The following ARHGAP42 variants were observed in gnomAD, a reference collection of about 807,000 sequenced individuals.
ARHGAP42 encodes the protein Rho GTPase activating protein 42, also known as rho GTPase-activating protein 42.
A neutral mutation model predicts 125.0 loss-of-function variants in ARHGAP42; 63 were observed. The observed-to-expected ratio is 0.50, with a 90% CI of 0.41 to 0.62. ARHGAP42 has a LOEUF of 0.62. Among genes scored for constraint, ARHGAP42 ranks in the 20% least tolerant of loss-of-function variants. The probability of loss-of-function intolerance (pLI) is 0.00; values close to 1 mark genes in which losing one functional copy is unlikely to be tolerated. For synonymous variants in ARHGAP42, 339 were observed against 351.0 expected (o/e 0.97, Z 0.38); for missense variants, 766 against 1,024.2 (o/e 0.75, Z 3.44).
chr11:100,749,981 G>T (rs1862407239), intron 1 of ARHGAP42, among the ~76,000 whole-genome samples: 1 of 152,148 alleles, frequency 6.6e-6, no homozygotes, highest in South Asian at 2.1e-4. Flanking sequence ...GAGAGCTCAG[G>T]TTATTCCTCA....
At chr11:100,949,036 CTACT>C (rs1158098002) in intron 11 of ARHGAP42, among the ~76,000 whole-genome samples, 4 of 152,058 alleles carry the variant, frequency 2.6e-5, no homozygotes, top group African/African-American at 2.4e-5. Flanking sequence ...GTATGATAGT[CTACT>C]TACAAAAAAT....
At position 100,904,467 on chromosome 11, in the gene ARHGAP42, G is replaced by A. The variant is rs1310101536; in HGVS notation, c.385-8985G>A. Among the ~76,000 whole-genome samples the A allele has an allele frequency of 3.3e-5, 5 of 151,940 alleles. 1 individual carries two copies. Among genetic ancestry groups the A allele is most frequent in the East Asian group, 3.9e-4 (2 of 5,158 alleles). ...TTGCCATGTTGACCAGGCTGGTCTC[G>A]AACTCCTGACCTCAGATGATCCACC... is the stretch of plus-strand genomic sequence containing the variant. On this transcript the variant is annotated intron_variant, in intron 4 of 23. Transcript: ENST00000298815.
intron 8 of ARHGAP42, among the ~76,000 whole-genome samples, chr11:100,940,678 A>T (rs1867858316): frequency 6.6e-6 from 1 of 152,198 alleles, no homozygotes; most frequent in Non-Finnish European, 1.5e-5. Context: ...GAGTAATTTG[A>T]ACTTGTTTTT....
intron 1 of ARHGAP42, among the ~76,000 whole-genome samples, chr11:100,711,851 C>T (rs1764613427): frequency 6.6e-6 from 1 of 151,884 alleles, no homozygotes; most frequent in African/African-American, 2.4e-5. Flanking sequence ...TACCAGGAGT[C>T]AAAGAAATGC....
At chr11:100,775,939 C>CA (rs1483618750) in intron 2 of ARHGAP42, among the ~76,000 whole-genome samples, 8 of 152,140 alleles carry the variant, frequency 5.3e-5, no homozygotes, top group African/African-American at 1.9e-4. Flanking sequence ...GCGGGCGGAT[C>CA]ACCTGAGGTT....
chr11:100,769,779 A>G (rs1316821521), intron 1 of ARHGAP42, among the ~76,000 whole-genome samples: 1 of 128,768 alleles, frequency 7.8e-6, no homozygotes, highest in Middle Eastern at 4.6e-3. Flanking sequence ...CAATGAGAAC[A>G]TATGGCCACA....
chr11:100,699,802 C>T (rs973835643), intron 1 of ARHGAP42, among the ~76,000 whole-genome samples: 7 of 152,002 alleles, frequency 4.6e-5, no homozygotes, highest in African/African-American at 1.7e-4. Flanking sequence ...GGATTACAGG[C>T]ATGAGCCACC....
chr11:100,960,864 C>A, intron 13 of ARHGAP42, 51 bp from the exon 14 acceptor site: 1 of 1,253,846 alleles, frequency 8.0e-7, no homozygotes, highest in Non-Finnish European at 1.1e-6. Flanking sequence ...ACATTCTGTA[C>A]TTGCCAAGCT....
intron 4 of ARHGAP42, among the ~76,000 whole-genome samples, chr11:100,893,990 C>T (rs1866283547): frequency 6.6e-6 from 1 of 152,176 alleles, no homozygotes; most frequent in African/African-American, 2.4e-5. Flanking sequence ...ATCAATCTCA[C>T]ATTTTACCCA....
intron 2 of ARHGAP42, among the ~76,000 whole-genome samples, chr11:100,786,680 T>C (rs1565213745): frequency 6.6e-6 from 1 of 152,186 alleles, no homozygotes; most frequent in Non-Finnish European, 1.5e-5. Context: ...TTTAGAATTA[T>C]TTCCGTAATC....
At chr11:100,697,164 C>A (rs1418908668) in intron 1 of ARHGAP42, among the ~76,000 whole-genome samples, 2 of 150,514 alleles carry the variant, frequency 1.3e-5, no homozygotes, top group African/African-American at 4.9e-5. Context: ...GGTGGAATTT[C>A]TTTTTTTGTT....
chr11:100,762,154 T>G (rs1442344092), intron 1 of ARHGAP42, among the ~76,000 whole-genome samples: 1 of 152,234 alleles, frequency 6.6e-6, no homozygotes, highest in Non-Finnish European at 1.5e-5. Context: ...GAAGGGTGGA[T>G]GTATCCACTG....
intron 19 of ARHGAP42, among the ~76,000 whole-genome samples, chr11:100,975,784 G>A (rs1429199685): frequency 6.6e-6 from 1 of 152,168 alleles, no homozygotes; most frequent in East Asian, 1.9e-4. Context: ...GCTTCAAGAA[G>A]TAAAGTTATT....
At chr11:100,722,513 C>G (rs1591128042) in intron 1 of ARHGAP42, among the ~76,000 whole-genome samples, 1 of 151,966 alleles carries the variant, frequency 6.6e-6, no homozygotes, top group East Asian at 1.9e-4. Flanking sequence ...GCCTCAGCCT[C>G]CCGAGTAGCT....
chr11:100,936,506 G>A lies in ARHGAP42; in HGVS notation c.832+174G>A, dbSNP rs111702886. ...ACGTTTTTCCGCATTTTGCCATCAGGATATCTAAGTTGGCATATTGTTGAA... is the reference window on the plus strand; with the variant it reads ...ACGTTTTTCCGCATTTTGCCATCAGAATATCTAAGTTGGCATATTGTTGAA... On this transcript the variant is annotated intron_variant, in intron 8 of 23. Transcript: ENST00000298815. 9.9e-3 allele frequency among the ~76,000 whole-genome samples: 1,503 copies of A among 152,218 alleles called. 26 individuals carry two copies. Among genetic ancestry groups the A allele is most frequent in the African/African-American group, 0.035 (1,444 of 41,532 alleles).
chr11:100,888,186 T>G (rs1866138877), intron 4 of ARHGAP42, among the ~76,000 whole-genome samples: 2 of 151,964 alleles, frequency 1.3e-5, no homozygotes, highest in South Asian at 4.2e-4. Flanking sequence ...GCCCCAAACA[T>G]CAATGACAGC....
intron 2 of ARHGAP42, among the ~76,000 whole-genome samples, chr11:100,771,700 G>A (rs991953692): frequency 1.8e-4 from 28 of 151,880 alleles, no homozygotes; most frequent in Non-Finnish European, 1.3e-4. Flanking sequence ...CCATGTTCAA[G>A]CAATTCTCCT....
At chr11:100,931,594 A>G (rs1385378304) in intron 6 of ARHGAP42, among the ~76,000 whole-genome samples, 2 of 152,232 alleles carry the variant, frequency 1.3e-5, no homozygotes, top group Non-Finnish European at 2.9e-5. Flanking sequence ...TATAGCATCC[A>G]GTTTGTAATG....
intron 2 of ARHGAP42, among the ~76,000 whole-genome samples, chr11:100,783,974 T>C (rs781032871): frequency 1.4e-4 from 21 of 152,170 alleles, no homozygotes; most frequent in Non-Finnish European, 2.8e-4. Context: ...AGTATAATGC[T>C]AAGGAGAATG....
Sources: allele counts gnomAD v4.1 joint callset (sites outside exome capture counted in the v4.1 genomes callset), GRCh38; gene constraint gnomAD v4.1.1; transcripts MANE v1.5; gene names NCBI Gene and HGNC (gene_info 2026-07-23, HGNC 2026-07-21).